NALF1: variants seen among roughly 807,000 people sequenced by gnomAD.
NALF1 encodes family with sequence similarity 155 member A.
A neutral mutation model predicts 48.4 loss-of-function variants in NALF1; 3 were observed. That is an observed-to-expected ratio of 0.06 (90% confidence interval 0.03 to 0.16). The LOEUF is 0.16. Ranked by LOEUF, NALF1 falls within the 10% of genes least tolerant of loss-of-function variation. The probability of loss-of-function intolerance (pLI) is 1.00; values close to 1 mark genes in which losing one functional copy is unlikely to be tolerated. For missense variants in NALF1, 526 were observed against 571.5 expected, an observed-to-expected ratio of 0.92 and a Z score of 0.81; for synonymous variants, 262 against 245.7, an observed-to-expected ratio of 1.07 and a Z score of -0.62.
intron 1 of NALF1, among the ~76,000 whole-genome samples, chr13:107,567,544 A>C (rs1877852422): frequency 6.6e-6 from 1 of 152,230 alleles, no homozygotes; most frequent in Non-Finnish European, 1.5e-5. Context: ...AATCTTGTAC[A>C]TATTTTCTAC....
At chr13:107,207,480 C>T (rs1271325438) in intron 2 of NALF1, among the ~76,000 whole-genome samples, 1 of 152,160 alleles carries the variant, frequency 6.6e-6, no homozygotes, top group Non-Finnish European at 1.5e-5. Flanking sequence ...GCATGACAAG[C>T]CACTCCACAG....
chr13:107,192,075 T>C (rs1393647278), intron 2 of NALF1, among the ~76,000 whole-genome samples: 2 of 151,920 alleles, frequency 1.3e-5, no homozygotes, highest in Non-Finnish European at 2.9e-5. Flanking sequence ...GGATTATGTA[T>C]TGAATGAACA....
Position 107,619,285 on chromosome 13 carries a change from T to TA in NALF1, c.915+246396dup, listed in dbSNP as rs148201529. Reference sequence around the variant, plus strand: ...ATGATTCCTCTTTTCCGCACCCTGTTAGAGTGAAAGCACTCAGGCAGTGAG... The same window carrying TA: ...ATGATTCCTCTTTTCCGCACCCTGTTAAGAGTGAAAGCACTCAGGCAGTGAG... On this transcript the variant is annotated intron_variant, in intron 1 of 2. Coordinates refer to ENST00000375915, the MANE Select transcript of NALF1 (RefSeq NM_001080396.3). 0.021 allele frequency among the ~76,000 whole-genome samples: 3,260 copies of TA among 152,284 alleles called. 204 individuals carry two copies. The East Asian group carries it at 0.23, about 11-fold the overall frequency.
At chr13:107,376,101 A>C (rs1883331475) in intron 1 of NALF1, among the ~76,000 whole-genome samples, 1 of 152,072 alleles carries the variant, frequency 6.6e-6, no homozygotes, top group South Asian at 2.1e-4. Flanking sequence ...TTGGACAATC[A>C]AGCAGCCCTT....
intron 1 of NALF1, among the ~76,000 whole-genome samples, chr13:107,236,398 G>A (rs975498022): frequency 3.9e-5 from 6 of 152,018 alleles, no homozygotes; most frequent in Non-Finnish European, 7.4e-5. Context: ...CACTCTCTTC[G>A]GACACTGTGC....
chr13:107,693,323 T>C (rs1881609556), intron 1 of NALF1, among the ~76,000 whole-genome samples: 3 of 18,992 alleles, frequency 1.6e-4, no homozygotes, highest in African/African-American at 2.5e-4. Flanking sequence ...GGGCCTGTCG[T>C]AGGGTAGGGG....
chr13:107,772,313 G>C (rs1877603722), intron 1 of NALF1, among the ~76,000 whole-genome samples: 1 of 152,132 alleles, frequency 6.6e-6, no homozygotes, highest in Non-Finnish European at 1.5e-5. Flanking sequence ...ACCTTCTCTT[G>C]GGGTCTGGAT....
intron 1 of NALF1, among the ~76,000 whole-genome samples, chr13:107,328,882 A>G (rs1882415955): frequency 6.6e-6 from 1 of 152,204 alleles, no homozygotes; most frequent in African/African-American, 2.4e-5. Flanking sequence ...AATGCAAACC[A>G]GAAAGGGTTT....
chr13:107,681,676 C>T (rs1342340089), intron 1 of NALF1, among the ~76,000 whole-genome samples: 3 of 152,186 alleles, frequency 2.0e-5, no homozygotes, highest in South Asian at 2.1e-4. Context: ...TGACACTTAA[C>T]GCCGACATCT....
intron 1 of NALF1, among the ~76,000 whole-genome samples, chr13:107,487,109 AC>A (rs1885341808): frequency 6.6e-6 from 1 of 152,108 alleles, no homozygotes; most frequent in Non-Finnish European, 1.5e-5. Flanking sequence ...GTTCCAGACC[AC>A]CCGTGGGTGA....
At chr13:107,723,024 AT>A (rs1566457538) in intron 1 of NALF1, among the ~76,000 whole-genome samples, 1 of 152,230 alleles carries the variant, frequency 6.6e-6, no homozygotes, top group East Asian at 1.9e-4. Context: ...AACTGAAAAA[AT>A]ATCTTAAAAG....
intron 1 of NALF1, among the ~76,000 whole-genome samples, chr13:107,756,435 C>CTAAATATA (rs1877094402): frequency 7.1e-6 from 1 of 141,056 alleles, no homozygotes; most frequent in Admixed American, 7.1e-5. Context: ...AGTTTAATGG[C>CTAAATATA]TATATATATA....
At chr13:107,182,253 CGTGT>C (rs71204818) in intron 2 of NALF1, among the ~76,000 whole-genome samples, 3 of 143,844 alleles carry the variant, frequency 2.1e-5, no homozygotes, top group East Asian at 2.0e-4. Flanking sequence ...TGTGTGTGTC[CGTGT>C]GTGTGTGTGT....
chr13:107,204,065 A>G (rs1419914161), intron 2 of NALF1, among the ~76,000 whole-genome samples: 2 of 142,966 alleles, frequency 1.4e-5, no homozygotes, highest in African/African-American at 5.5e-5. Flanking sequence ...AGGGGCGCCC[A>G]CAAGCTCTCC....
chr13:107,753,206 T>G (rs1876989043), intron 1 of NALF1, among the ~76,000 whole-genome samples: 1 of 152,214 alleles, frequency 6.6e-6, no homozygotes, highest in South Asian at 2.1e-4. Flanking sequence ...AGGCCTTTCC[T>G]ATTATCTTGA....
intron 1 of NALF1, among the ~76,000 whole-genome samples, chr13:107,323,254 T>C (rs1271711772): frequency 6.6e-6 from 1 of 152,136 alleles, no homozygotes; most frequent in Non-Finnish European, 1.5e-5. Context: ...TTAAAAAACA[T>C]TGTATCTATA....
chr13:107,553,086 T>C (rs1331093118), intron 1 of NALF1, among the ~76,000 whole-genome samples: 1 of 152,050 alleles, frequency 6.6e-6, no homozygotes, highest in Non-Finnish European at 1.5e-5. Context: ...ATCATCAATA[T>C]ATAGTAAATG....
Position 107,569,089 on chromosome 13 carries a change from G to A in NALF1, c.915+296593C>T, listed in dbSNP as rs1877901820. ...ATTTACAAACTATTTTGAGTAAGGC[G>A]TGGGATTCATATAAAGTGTGAGATA... On this transcript the variant is annotated intron_variant, in intron 1 of 2. Coordinates refer to ENST00000375915, the MANE Select transcript of NALF1 (RefSeq NM_001080396.3). Among the ~76,000 whole-genome samples, 6 of 152,208 alleles carry A rather than the reference G, an allele frequency of 3.9e-5. No individual in the cohort carries two copies. The South Asian group carries it at 1.0e-3, about 26-fold the overall frequency.
chr13:107,455,863 CTT>C (rs34303743), intron 1 of NALF1, among the ~76,000 whole-genome samples: 8 of 146,088 alleles, frequency 5.5e-5, no homozygotes, highest in African/African-American at 1.7e-4. Flanking sequence ...CTCGATAACT[CTT>C]TTTTTTTTTT....
Sources: gnomAD v4.1 joint callset for allele counts (sites outside exome capture counted in the v4.1 genomes callset) on GRCh38, gnomAD v4.1.1 for gene constraint, MANE v1.5 for transcripts, NCBI Gene and HGNC (gene_info 2026-07-23, HGNC 2026-07-21) for gene names.